The following PSMD14 variants were observed in gnomAD, a reference collection of about 807,000 sequenced individuals.
The protein encoded by PSMD14 is ubiquitin C-terminal hydrolase PSMD14.
In PSMD14, 7 loss-of-function variants were observed where a neutral mutation model predicts 41.2. The ratio of observed to expected loss-of-function variants is 0.17; its 90% CI spans 0.10 to 0.32. PSMD14 has a LOEUF of 0.32. Among genes scored for constraint, PSMD14 ranks in the 10% least tolerant of loss-of-function variants. PSMD14 has a pLI of 1.00. For synonymous variants in PSMD14, 114 were observed against 122.3 expected (o/e 0.93, Z 0.45); for missense variants, 139 against 375.6 (o/e 0.37, Z 5.21).
intron 3 of PSMD14, among the ~76,000 whole-genome samples, chr2:161,346,095 C>G (rs530174327): frequency 6.6e-6 from 1 of 152,250 alleles, no homozygotes; most frequent in Non-Finnish European, 1.5e-5. Flanking sequence ...GTTGCCCAGG[C>G]AGTTCTTGAA....
intron 7 of PSMD14, 131 bp downstream of exon 7, chr2:161,371,453 C>CA (rs919924926): frequency 1.2e-5 from 10 of 854,592 alleles, no homozygotes; most frequent in African/African-American, 5.1e-5. Context: ...ACTTAAAAAA[C>CA]AAAAAAACTG....
At chr2:161,361,788 C>T (rs904960932) in intron 3 of PSMD14, among the ~76,000 whole-genome samples, 92 of 152,232 alleles carry the variant, frequency 6.0e-4, no homozygotes, top group African/African-American at 2.2e-3. Flanking sequence ...ATGTTGGTAT[C>T]TCATTGACAA....
intron 10 of PSMD14, 84 bp from the exon 11 acceptor site, chr2:161,408,753 G>T: frequency 2.1e-6 from 2 of 973,306 alleles, no homozygotes; most frequent in Non-Finnish European, 1.5e-6. Context: ...GAAAATTCTG[G>T]TCATCATTAT....
At position 161,346,905 on chromosome 2, in the gene PSMD14, T is replaced by C. The variant is rs775373305; in HGVS notation, c.49-20573T>C. ...TGCATTGATTCCTCACACACATGCATTGATCATTATTAAGCTGAATACTCA... is the reference window on the plus strand; with the variant it reads ...TGCATTGATTCCTCACACACATGCACTGATCATTATTAAGCTGAATACTCA... On this transcript the variant is annotated intron_variant, in intron 3 of 11. Transcript: ENST00000409682. 2.0e-5 allele frequency among the ~76,000 whole-genome samples: 3 copies of C among 152,084 alleles called. No homozygotes were observed. In the East Asian group the frequency reaches 5.8e-4, roughly 29 times the overall value.
intron 10 of PSMD14, among the ~76,000 whole-genome samples, chr2:161,405,283 ACT>A (rs890180308): frequency 6.6e-6 from 1 of 151,508 alleles, no homozygotes; most frequent in African/African-American, 2.4e-5. Context: ...TCTCATCCTG[ACT>A]CTCCCTCTGT....
At chr2:161,371,898 T>C (rs1379165198) in intron 7 of PSMD14, among the ~76,000 whole-genome samples, 1 of 152,142 alleles carries the variant, frequency 6.6e-6, no homozygotes, top group East Asian at 1.9e-4. Context: ...TATTGGGTTA[T>C]AGTTCTTTGT....
intron 7 of PSMD14, among the ~76,000 whole-genome samples, chr2:161,379,794 C>T (rs1396513699): frequency 6.6e-6 from 1 of 152,072 alleles, no homozygotes; most frequent in Non-Finnish European, 1.5e-5. Context: ...GAACCACAGA[C>T]TGCAGCTAGT....
intron 3 of PSMD14, among the ~76,000 whole-genome samples, chr2:161,362,182 A>G (rs1328324878): frequency 6.6e-6 from 1 of 152,130 alleles, no homozygotes; most frequent in East Asian, 1.9e-4. Context: ...CTTCCCACTC[A>G]GCGTCCTGAG....
chr2:161,315,425 T>C (rs1345560649), intron 1 of PSMD14, among the ~76,000 whole-genome samples: 1 of 152,210 alleles, frequency 6.6e-6, no homozygotes, highest in Non-Finnish European at 1.5e-5. Flanking sequence ...CTTTTTTTCC[T>C]TTTGCCATTA....
intron 3 of PSMD14, among the ~76,000 whole-genome samples, chr2:161,356,375 G>T (rs1047564810): frequency 3.3e-5 from 5 of 152,080 alleles, no homozygotes; most frequent in African/African-American, 1.2e-4. Flanking sequence ...TACCTTGCTG[G>T]GTAAGAGATA....
At chr2:161,313,464 C>G (rs1415004544) in intron 1 of PSMD14, among the ~76,000 whole-genome samples, 1 of 152,158 alleles carries the variant, frequency 6.6e-6, no homozygotes, top group Non-Finnish European at 1.5e-5. Context: ...GTCCTCCTAC[C>G]TCAGCCTCCC....
At chr2:161,407,829 A>C (rs937327654) in intron 10 of PSMD14, 1 of 151,910 alleles carries the variant, frequency 6.6e-6, no homozygotes, top group Non-Finnish European at 1.5e-5. Flanking sequence ...GTGATCCTTA[A>C]ATTTTCTTGT....
intron 3 of PSMD14, among the ~76,000 whole-genome samples, chr2:161,367,130 G>C (rs1683369849): frequency 2.0e-5 from 3 of 152,180 alleles, no homozygotes; most frequent in African/African-American, 4.8e-5. Context: ...TTGTGTTGAT[G>C]CTTTAGTTAA....
intron 8 of PSMD14, among the ~76,000 whole-genome samples, chr2:161,389,891 T>TGTTTTTTTTTTTTG (rs1553508201): frequency 2.8e-5 from 2 of 71,934 alleles, no homozygotes; most frequent in African/African-American, 5.8e-5. Context: ...TTTTTGTTGT[T>TGTTTTTTTTTTTTG]TTTTTTTTTT....
At chr2:161,354,765 C>T (rs1427068313) in intron 3 of PSMD14, among the ~76,000 whole-genome samples, 1 of 152,156 alleles carries the variant, frequency 6.6e-6, no homozygotes, top group African/African-American at 2.4e-5. Flanking sequence ...AAAGAAATGT[C>T]ATAGTTAGGC....
chr2:161,329,330 C>A (rs555047793), intron 3 of PSMD14, among the ~76,000 whole-genome samples: 1 of 152,202 alleles, frequency 6.6e-6, no homozygotes, highest in South Asian at 2.1e-4. Flanking sequence ...TTTTTTATAT[C>A]TGTCACATCT....
intron 1 of PSMD14, among the ~76,000 whole-genome samples, chr2:161,309,311 T>C (rs923535432): frequency 6.6e-6 from 1 of 152,222 alleles, no homozygotes; most frequent in Non-Finnish European, 1.5e-5. Context: ...TGTAAACTTT[T>C]GAGTCTATAA....
At chr2:161,383,080 C>A (rs557680639) in intron 7 of PSMD14, 1 of 150,940 alleles carries the variant, frequency 6.6e-6, no homozygotes, top group South Asian at 2.1e-4. Flanking sequence ...GCATAATTAA[C>A]ACCTTCTTCA....
In PSMD14 at chr2:161,391,194, T is replaced by C; in HGVS notation, c.645+16T>C. On this transcript the variant is annotated intron_variant, in intron 9 of 11. Coordinates refer to ENST00000409682, the MANE Select transcript of PSMD14 (RefSeq NM_005805.6). ...GGAACAGAAGGTAAGTTTAAATTTTTATCTTATAGGAGGAAAAAAATCTTT... is the reference window on the plus strand; with the variant it reads ...GGAACAGAAGGTAAGTTTAAATTTTCATCTTATAGGAGGAAAAAAATCTTT... 1.3e-6 allele frequency: 2 copies of C among 1,502,048 alleles called. No individual in the cohort carries two copies. The highest frequency in any genetic ancestry group is 1.8e-6 in the Non-Finnish European group (2 of 1,124,476). The allele number at this position is 1,502,048 out of a possible 1,614,324, so 93.0% of individuals were successfully genotyped here.
Sources: allele counts gnomAD v4.1 joint callset (sites outside exome capture counted in the v4.1 genomes callset), GRCh38; gene constraint gnomAD v4.1.1; transcripts MANE v1.5; gene names NCBI Gene and HGNC (gene_info 2026-07-23, HGNC 2026-07-21).